The following EYS variants were observed in gnomAD, a reference collection of about 807,000 sequenced individuals.
EYS encodes the protein protein eyes shut homolog.
In EYS, 250 loss-of-function variants were observed where a neutral mutation model predicts 282.1. That is an observed-to-expected ratio of 0.89 (90% CI 0.80 to 0.98). The LOEUF is 0.98. Ranked by LOEUF, EYS falls within the 50% of genes least tolerant of loss-of-function variation. The pLI is 0.00. For synonymous variants in EYS, 1,355 were observed against 1,282.9 expected, an observed-to-expected ratio of 1.06 and a Z score of -1.20; for missense variants, 4,016 against 3,709.0, an observed-to-expected ratio of 1.08 and a Z score of -2.15.
At chr6:63,783,264 TC>T (rs1025611159) in intron 39 of EYS, among the ~76,000 whole-genome samples, 1 of 152,154 alleles carries the variant, frequency 6.6e-6, no homozygotes, top group Non-Finnish European at 1.5e-5. Flanking sequence ...TCATGTAAAG[TC>T]CAAAGGGTGG....
intron 35 of EYS, among the ~76,000 whole-genome samples, chr6:63,941,708 C>T (rs1276924702): frequency 6.6e-6 from 1 of 152,100 alleles, no homozygotes; most frequent in Non-Finnish European, 1.5e-5. Context: ...TAAGCTAATG[C>T]TACTGTTTGT....
At chr6:63,739,509 CTT>C (rs1239247878) in intron 41 of EYS, among the ~76,000 whole-genome samples, 2 of 152,132 alleles carry the variant, frequency 1.3e-5, no homozygotes, top group Admixed American at 1.3e-4. Context: ...AGGCAGCTCT[CTT>C]CAGTCCTCGT....
intron 26 of EYS, among the ~76,000 whole-genome samples, chr6:64,504,165 C>T (rs1026971295): frequency 7.2e-5 from 11 of 152,188 alleles, no homozygotes; most frequent in African/African-American, 2.4e-4. Flanking sequence ...CCTCCTGATA[C>T]ATTGAGTTCT....
At chr6:63,915,692 A>G (rs575242440) in intron 35 of EYS, among the ~76,000 whole-genome samples, 1 of 152,352 alleles carries the variant, frequency 6.6e-6, no homozygotes, top group South Asian at 2.1e-4. Flanking sequence ...CAGAATAGCA[A>G]CATTAACAGG....
rs568416899 is a variant in EYS at position 64,878,680 on chromosome 6, T to A, written c.2992+8017A>T. The stretch of plus-strand genomic sequence containing the variant: ...GCGTGTGTGTGTTTCTTTAAGCACA[T>A]GCATTTTTTTTCTGACAAGTAAGAG... On this transcript the variant is annotated intron_variant, in intron 19 of 42. Transcript: ENST00000503581. Among the ~76,000 whole-genome samples, 14 of 146,898 alleles carry A rather than the reference T, an allele frequency of 9.5e-5. No individual in the cohort carries two copies. In the South Asian group the frequency reaches 3.1e-3, roughly 32 times the overall value.
intron 24 of EYS, among the ~76,000 whole-genome samples, chr6:64,608,575 G>A (rs952148112): frequency 6.6e-6 from 1 of 152,030 alleles, no homozygotes. Flanking sequence ...TATAGCAAAC[G>A]AATTGAAAAC....
rs1773184190 is a variant in EYS, at chr6:64,110,976, A to G, written c.6425-28974T>C. Among the ~76,000 whole-genome samples, 3 of 151,988 alleles carry G rather than the reference A, an allele frequency of 2.0e-5. No homozygotes were observed. In the East Asian group the frequency reaches 5.8e-4, roughly 29 times the overall value. ...TAAATTAATATTTGAAAAAAGGAGAAGAATCATAGGGCAGTAGCTGCACAG... is the reference window on the plus strand; with the variant it reads ...TAAATTAATATTTGAAAAAAGGAGAGGAATCATAGGGCAGTAGCTGCACAG... On this transcript the variant is annotated intron_variant, in intron 31 of 42. Transcript: ENST00000503581.
chr6:64,635,792 G>A (rs951154362), intron 22 of EYS, among the ~76,000 whole-genome samples: 1 of 152,030 alleles, frequency 6.6e-6, no homozygotes, highest in African/African-American at 2.4e-5. Context: ...CTCTTTTTTG[G>A]TTGTGTCTCT....
chr6:65,065,274 T>A (rs528609554), intron 12 of EYS, among the ~76,000 whole-genome samples: 1 of 152,158 alleles, frequency 6.6e-6, no homozygotes, highest in Non-Finnish European at 1.5e-5. Context: ...TAGAAATACT[T>A]ACTTCCCAGA....
chr6:64,511,099 T>C (rs1777377579), intron 26 of EYS, among the ~76,000 whole-genome samples: 1 of 141,150 alleles, frequency 7.1e-6, no homozygotes, highest in African/African-American at 2.5e-5. Flanking sequence ...TAGGCAAAGA[T>C]TTCTTTATAA....
chr6:63,940,989 C>T (rs1449237798), intron 35 of EYS, among the ~76,000 whole-genome samples: 1 of 152,096 alleles, frequency 6.6e-6, no homozygotes, highest in East Asian at 1.9e-4. Flanking sequence ...CAGCTTCATC[C>T]ATTTCCCTGC....
intron 12 of EYS, among the ~76,000 whole-genome samples, chr6:65,289,565 GAA>G (rs1419255326): frequency 6.6e-6 from 1 of 151,010 alleles, no homozygotes; most frequent in East Asian, 1.9e-4. Context: ...ATATACCACA[GAA>G]AAAGACATTT....
rs939617615 is a variant in EYS at position 65,136,255 on chromosome 6, T to C, written c.2024-78528A>G. ...GGGATATGTGTAAATTGGATACATA[T>C]AAAAGTATTAGGCAATATAAATTAA... On this transcript the variant is annotated intron_variant, in intron 12 of 42. Transcript: ENST00000503581. 1.6e-4 allele frequency among the ~76,000 whole-genome samples: 24 copies of C among 152,018 alleles called. 1 individual carries two copies. The highest frequency in any genetic ancestry group is 4.6e-4 in the Admixed American group (7 of 15,228).
At chr6:63,809,980 G>T (rs972643173) in intron 36 of EYS, among the ~76,000 whole-genome samples, 9 of 151,686 alleles carry the variant, frequency 5.9e-5, no homozygotes, top group African/African-American at 1.7e-4. Context: ...GGTGGCTCAT[G>T]CCTGTAATCC....
intron 1 of EYS, among the ~76,000 whole-genome samples, chr6:65,700,359 T>A (rs1007935723): frequency 3.3e-5 from 5 of 151,638 alleles, no homozygotes; most frequent in African/African-American, 1.2e-4. Context: ...GGAAACAGAG[T>A]CTGCAAGAGC....
intron 22 of EYS, among the ~76,000 whole-genome samples, chr6:64,727,043 T>A (rs1451767426): frequency 2.6e-5 from 4 of 152,174 alleles, no homozygotes; most frequent in African/African-American, 9.6e-5. Flanking sequence ...GGTGGCATAC[T>A]GATGTTACTG....
chr6:64,546,551 C>A (rs1448671976), intron 26 of EYS, among the ~76,000 whole-genome samples: 2 of 152,096 alleles, frequency 1.3e-5, no homozygotes, highest in East Asian at 3.9e-4. Context: ...AGCTTCTGCC[C>A]AGCAAAAGAA....
At chr6:64,870,403 C>A (rs1766554639) in intron 19 of EYS, among the ~76,000 whole-genome samples, 1 of 146,656 alleles carries the variant, frequency 6.8e-6, no homozygotes, top group Admixed American at 6.9e-5. Flanking sequence ...TAAACAAAAA[C>A]AATTACCCCC....
At chr6:65,021,322 A>C (rs908536801) in intron 13 of EYS, among the ~76,000 whole-genome samples, 8 of 152,212 alleles carry the variant, frequency 5.3e-5, no homozygotes, top group Non-Finnish European at 8.8e-5. Context: ...AGTTCCACAG[A>C]TCTCAAGGAC....
Sources: gnomAD v4.1 joint callset for allele counts (sites outside exome capture counted in the v4.1 genomes callset) on GRCh38, gnomAD v4.1.1 for gene constraint, MANE v1.5 for transcripts, NCBI Gene and HGNC (gene_info 2026-07-23, HGNC 2026-07-21) for gene names.